KLHL32: variants seen among roughly 807,000 people sequenced by gnomAD.
The protein encoded by KLHL32 is kelch-like protein 32.
KLHL32 carries 35 observed loss-of-function variants against 64.8 expected under a neutral mutation model. That is an observed-to-expected ratio of 0.54 (90% CI 0.41 to 0.72). The LOEUF is 0.72. Among genes scored for constraint, KLHL32 ranks in the 30% least tolerant of loss-of-function variants. KLHL32 has a pLI of 0.00. For missense variants in KLHL32, 589 were observed against 768.5 expected (o/e 0.77, Z 2.76); for synonymous variants, 259 against 281.0 (o/e 0.92, Z 0.78).
intron 6 of KLHL32, among the ~76,000 whole-genome samples, chr6:97,087,628 A>T (rs1793618064): frequency 6.6e-6 from 1 of 152,180 alleles, no homozygotes; most frequent in South Asian, 2.1e-4. Flanking sequence ...AGAAAACTGG[A>T]TGGAGGGGGG....
chr6:96,977,240 A>G (rs546421289), intron 3 of KLHL32, among the ~76,000 whole-genome samples: 3 of 152,364 alleles, frequency 2.0e-5, no homozygotes, highest in Non-Finnish European at 2.9e-5. Context: ...ACCATTTTGC[A>G]TATATGGAAA....
chr6:96,925,937 G>T (rs1769102090), intron 1 of KLHL32, among the ~76,000 whole-genome samples: 2 of 151,982 alleles, frequency 1.3e-5, no homozygotes, highest in Admixed American at 6.6e-5. Flanking sequence ...TTATATGAAA[G>T]TGCAGTGGTT....
Position 97,085,175 on chromosome 6 carries a change from T to G in KLHL32, c.461T>G (p.Phe154Cys). The part of the protein sequence containing the change: ...YLDLYRLADL[F>C]NLTLLEKAVI... ...GATCTGTACAGACTTGCTGACCTCT[T>G]TAACCTCACTTTGTTGGAGAAGGCA... The change falls in exon 6 of 11, where the codon TTT becomes TGT. Residue 154 changes from phenylalanine to cysteine, a missense_variant. Physicochemically the swap from Phe to Cys is radical, Grantham distance 205 (BLOSUM62 -2). Coordinates refer to ENST00000369261, the MANE Select transcript of KLHL32 (RefSeq NM_052904.4). 1.2e-6 allele frequency: 2 copies of G among 1,614,078 alleles called. No homozygotes were observed. The highest frequency in any genetic ancestry group is 1.7e-6 in the Non-Finnish European group (2 of 1,180,028).
At chr6:96,934,805 G>A (rs1770381779) in intron 1 of KLHL32, among the ~76,000 whole-genome samples, 1 of 152,204 alleles carries the variant, frequency 6.6e-6, no homozygotes, top group Non-Finnish European at 1.5e-5. Context: ...ATGGCTTTAT[G>A]TAAGCCAACT....
intron 5 of KLHL32, among the ~76,000 whole-genome samples, chr6:97,069,400 C>CTTTTT (rs199967868): frequency 1.5e-5 from 2 of 134,570 alleles, no homozygotes; most frequent in African/African-American, 2.7e-5. Context: ...GATTTTGTTC[C>CTTTTT]TTTTTTTTTT....
intron 3 of KLHL32, among the ~76,000 whole-genome samples, chr6:96,997,859 A>G (rs1181323945): frequency 6.6e-6 from 1 of 152,170 alleles, no homozygotes; most frequent in African/African-American, 2.4e-5. Context: ...CCAACCAAAA[A>G]CAGCTTGAAG....
intron 3 of KLHL32, among the ~76,000 whole-genome samples, chr6:97,023,818 C>T (rs1364313301): frequency 6.6e-6 from 1 of 152,194 alleles, no homozygotes; most frequent in Non-Finnish European, 1.5e-5. Context: ...TAACTGTGGT[C>T]TCTCTTCTCT....
intron 3 of KLHL32, among the ~76,000 whole-genome samples, chr6:97,009,265 A>G (rs777837810): frequency 2.0e-5 from 3 of 151,966 alleles, no homozygotes; most frequent in African/African-American, 7.3e-5. Flanking sequence ...GTTAAGAAAC[A>G]GTATTTTTAA....
chr6:97,050,414 G>C (rs140910721), intron 4 of KLHL32, among the ~76,000 whole-genome samples: 21 of 152,256 alleles, frequency 1.4e-4, no homozygotes, highest in African/African-American at 5.1e-4. Context: ...AAAATGGCTT[G>C]AGAGAGCATG....
intron 6 of KLHL32, among the ~76,000 whole-genome samples, chr6:97,098,527 T>G (rs6924553): frequency 0.036 from 5,432 of 152,260 alleles, 321 homozygotes; most frequent in African/African-American, 0.12. Flanking sequence ...TTTCACATTA[T>G]TTTTTTCTTG....
At chr6:97,131,013 T>C in intron 9 of KLHL32, 64 bp downstream of exon 9, 5 of 1,367,852 alleles carry the variant, frequency 3.7e-6, no homozygotes, top group South Asian at 1.3e-5. Flanking sequence ...ACTTGTTTCA[T>C]AGACATCTTT....
the KLHL32 span, among the ~76,000 whole-genome samples, chr6:96,917,947 G>A: frequency 3.3e-5 from 5 of 152,292 alleles, no homozygotes; most frequent in South Asian, 2.1e-4. Context: ...GGGCTGTTCC[G>A]TACATTGTAG....
At chr6:97,015,612 A>G (rs553713033) in intron 3 of KLHL32, among the ~76,000 whole-genome samples, 4 of 152,380 alleles carry the variant, frequency 2.6e-5, no homozygotes, top group Non-Finnish European at 4.4e-5. Context: ...GAAGGAGAGC[A>G]TAAAAGTTTG....
chr6:96,978,017 G>A (rs1225052767), intron 3 of KLHL32, among the ~76,000 whole-genome samples: 1 of 152,092 alleles, frequency 6.6e-6, no homozygotes, highest in Non-Finnish European at 1.5e-5. Flanking sequence ...TTTTGGATCA[G>A]CAAAACACTT....
At chr6:97,080,915 A>C (rs1792396383) in intron 5 of KLHL32, among the ~76,000 whole-genome samples, 1 of 152,216 alleles carries the variant, frequency 6.6e-6, no homozygotes, top group African/African-American at 2.4e-5. Flanking sequence ...AGATGAAACA[A>C]GGGAAACACA....
chr6:97,110,656 A>T (rs1414841461), intron 6 of KLHL32, among the ~76,000 whole-genome samples: 1 of 152,166 alleles, frequency 6.6e-6, no homozygotes, highest in Non-Finnish European at 1.5e-5. Context: ...CCCCCAGTAA[A>T]ATCTGTTATC....
At chr6:96,970,965 A>T (rs1316116255) in intron 2 of KLHL32, among the ~76,000 whole-genome samples, 5 of 152,204 alleles carry the variant, frequency 3.3e-5, no homozygotes, top group Admixed American at 6.5e-5. Context: ...GTGATTTAAG[A>T]TGCTCACTTG....
At chr6:96,927,966 G>A (rs1230650179) in intron 1 of KLHL32, among the ~76,000 whole-genome samples, 1 of 152,198 alleles carries the variant, frequency 6.6e-6, no homozygotes, top group East Asian at 1.9e-4. Context: ...TACAGATGGA[G>A]GATCTAAGAC....
intron 1 of KLHL32, among the ~76,000 whole-genome samples, chr6:96,959,316 A>C (rs1262790028): frequency 6.6e-6 from 1 of 152,188 alleles, no homozygotes; most frequent in Non-Finnish European, 1.5e-5. Flanking sequence ...CCACAGTAGC[A>C]TGGAAGAGAC....
Sources: allele counts gnomAD v4.1 joint callset (sites outside exome capture counted in the v4.1 genomes callset), GRCh38; gene constraint gnomAD v4.1.1; transcripts MANE v1.5; gene names NCBI Gene and HGNC (gene_info 2026-07-23, HGNC 2026-07-21).